Variants in KCNN2 observed in about 807,000 individuals in gnomAD.
The protein encoded by KCNN2 is potassium calcium-activated channel subfamily N member 2, also known as small conductance calcium-activated potassium channel protein 2.
A neutral mutation model predicts 55.5 loss-of-function variants in KCNN2; 24 were observed. That is an observed-to-expected ratio of 0.43 (90% CI 0.31 to 0.61). The LOEUF is 0.61. Ranked by LOEUF, KCNN2 falls within the 20% of genes least tolerant of loss-of-function variation. The pLI is 0.08. For missense variants in KCNN2, 754 were observed against 853.6 expected (o/e 0.88, Z 1.45); for synonymous variants, 431 against 336.1 (o/e 1.28, Z -3.09).
chr5:114,423,746 A>G (rs936925229), intron 3 of KCNN2, among the ~76,000 whole-genome samples: 9 of 152,208 alleles, frequency 5.9e-5, no homozygotes, highest in Non-Finnish European at 1.0e-4. Flanking sequence ...CAGTCACTAT[A>G]ATCAAGGGAC....
At chr5:114,483,350 C>G (rs562848694) in intron 5 of KCNN2, among the ~76,000 whole-genome samples, 175 of 148,524 alleles carry the variant, frequency 1.2e-3, no homozygotes, top group African/African-American at 4.1e-3. Context: ...TCTCGGCTCA[C>G]TGCAACCTCC....
intron 2 of KCNN2, among the ~76,000 whole-genome samples, chr5:114,387,395 T>C (rs1388762959): frequency 2.0e-5 from 3 of 152,218 alleles, no homozygotes; most frequent in Admixed American, 1.3e-4. Context: ...AAGGAAGTTT[T>C]TGGAATTAAA....
intron 1 of KCNN2, among the ~76,000 whole-genome samples, chr5:114,067,166 G>A (rs1257220338): frequency 6.6e-6 from 1 of 152,142 alleles, no homozygotes; most frequent in Non-Finnish European, 1.5e-5. Context: ...TCTGCCACAG[G>A]GACCAGATAA....
chr5:114,200,994 C>T (rs1257784496), intron 1 of KCNN2, among the ~76,000 whole-genome samples: 1 of 151,998 alleles, frequency 6.6e-6, no homozygotes, highest in Non-Finnish European at 1.5e-5. Context: ...AATTCCTGAC[C>T]CTCCAGGTGA....
At chr5:114,376,290 C>A (rs1397518045) in intron 2 of KCNN2, among the ~76,000 whole-genome samples, 2 of 152,144 alleles carry the variant, frequency 1.3e-5, no homozygotes, top group African/African-American at 4.8e-5. Flanking sequence ...CCCTCAAGCC[C>A]ATGTCAGAAC....
intron 1 of KCNN2, among the ~76,000 whole-genome samples, chr5:114,178,330 A>T (rs1753176087): frequency 6.6e-6 from 1 of 152,134 alleles, no homozygotes; most frequent in Non-Finnish European, 1.5e-5. Context: ...CTTTGATCTG[A>T]TTTACTTCAT....
chr5:114,073,478 A>T (rs951310281), intron 1 of KCNN2, among the ~76,000 whole-genome samples: 2 of 152,096 alleles, frequency 1.3e-5, no homozygotes, highest in Admixed American at 1.3e-4. Flanking sequence ...TTATTGTTGT[A>T]ATAATCTTTT....
intron 1 of KCNN2, among the ~76,000 whole-genome samples, chr5:114,137,076 T>C (rs2954373): frequency 0.22 from 32,791 of 152,080 alleles, 3,770 homozygotes; most frequent in Middle Eastern, 0.26. Flanking sequence ...ATATCTAGTA[T>C]AGTGCAATTA....
chr5:114,379,851 A>T (rs1165896683), intron 2 of KCNN2, among the ~76,000 whole-genome samples: 1 of 145,894 alleles, frequency 6.9e-6, no homozygotes, highest in Non-Finnish European at 1.5e-5. Context: ...CTTATATATT[A>T]TATAGCATAT....
At chr5:114,330,873 C>T (rs1348242971) in intron 2 of KCNN2, among the ~76,000 whole-genome samples, 1 of 152,156 alleles carries the variant, frequency 6.6e-6, no homozygotes, top group Non-Finnish European at 1.5e-5. Flanking sequence ...TTGACTTACT[C>T]AATTCTATAT....
At chr5:114,264,805 C>A (rs1008954712) in intron 2 of KCNN2, among the ~76,000 whole-genome samples, 3 of 152,194 alleles carry the variant, frequency 2.0e-5, no homozygotes, top group Non-Finnish European at 4.4e-5. Context: ...AGGCCCCCAT[C>A]TTCTGCTTTG....
At chr5:114,461,369 C>G (rs887257672) in intron 3 of KCNN2, among the ~76,000 whole-genome samples, 1 of 152,052 alleles carries the variant, frequency 6.6e-6, no homozygotes, top group Non-Finnish European at 1.5e-5. Context: ...GGGTGAGGAA[C>G]GGTGGTGATT....
rs373482023 is a variant in KCNN2, at chr5:114,327,109, T to A, written c.-184-33836T>A. ...AACAATGTTTTACATCAATAAAATGTCACATTTTCCCTGATCCCAAATGAA... is the reference window on the plus strand; with the variant it reads ...AACAATGTTTTACATCAATAAAATGACACATTTTCCCTGATCCCAAATGAA... On this transcript the variant is annotated intron_variant, in intron 2 of 10. Transcript: ENST00000512097. Among the ~76,000 whole-genome samples the A allele has an allele frequency of 2.0e-5, 3 of 152,318 alleles. No homozygotes were observed. The East Asian group carries it at 5.8e-4, about 29-fold the overall frequency.
At chr5:114,213,915 T>C (rs1415618057) in intron 1 of KCNN2, among the ~76,000 whole-genome samples, 1 of 152,042 alleles carries the variant, frequency 6.6e-6, no homozygotes, top group Non-Finnish European at 1.5e-5. Context: ...TTCGAATAGA[T>C]AGCTTCAAAT....
At chr5:114,063,501 C>A (rs543235712) in intron 1 of KCNN2, among the ~76,000 whole-genome samples, 65 of 152,292 alleles carry the variant, frequency 4.3e-4, no homozygotes, top group Middle Eastern at 6.8e-3. Flanking sequence ...AGAACCACCC[C>A]CCCTCCAAAT....
At chr5:114,330,512 T>G (rs541769292) in intron 2 of KCNN2, among the ~76,000 whole-genome samples, 4 of 152,324 alleles carry the variant, frequency 2.6e-5, no homozygotes, top group African/African-American at 9.6e-5. Context: ...GCTTCTATGA[T>G]CATACATCAT....
Position 114,237,488 on chromosome 5 carries a change from T to C in KCNN2, c.-185+15923T>C, listed in dbSNP as rs530599078. ...GTGTGTACCTATGCAGTTGTGGACATTGGAGACTATTTGGTACCTGAAGGT... is the reference window on the plus strand; with the variant it reads ...GTGTGTACCTATGCAGTTGTGGACACTGGAGACTATTTGGTACCTGAAGGT... On this transcript the variant is annotated intron_variant, in intron 2 of 10. Coordinates refer to the KCNN2 transcript ENST00000512097. Among the ~76,000 whole-genome samples the C allele has an allele frequency of 2.6e-4, 40 of 152,182 alleles. No homozygotes were observed. In the East Asian group the frequency reaches 3.3e-3, roughly 13 times the overall value.
intron 1 of KCNN2, among the ~76,000 whole-genome samples, chr5:114,196,494 T>C (rs1308414077): frequency 6.6e-6 from 1 of 152,082 alleles, no homozygotes; most frequent in Non-Finnish European, 1.5e-5. Context: ...CCTGGACTTT[T>C]CTTTGTGGGA....
At chr5:114,467,984 C>G (rs1459779) in intron 4 of KCNN2, among the ~76,000 whole-genome samples, 144,851 of 152,194 alleles carry the variant, frequency 0.95, 69,355 homozygotes, top group East Asian at 1. Flanking sequence ...AGAAGAATGA[C>G]CTGAACAAGC....
Sources: allele counts gnomAD v4.1 joint callset (sites outside exome capture counted in the v4.1 genomes callset), GRCh38; gene constraint gnomAD v4.1.1; transcripts MANE v1.5; gene names NCBI Gene and HGNC (gene_info 2026-07-23, HGNC 2026-07-21).